ROBO2: variants seen among roughly 807,000 people sequenced by gnomAD.
ROBO2 encodes roundabout guidance receptor 2.
A neutral mutation model predicts 160.8 loss-of-function variants in ROBO2; 53 were observed. That is an observed-to-expected ratio of 0.33 (90% CI 0.26 to 0.41). The LOEUF (loss-of-function observed/expected upper bound fraction) is 0.41. ROBO2 is among the 10% of genes least tolerant of loss of function. The probability of loss-of-function intolerance (pLI) is 1.00; values close to 1 mark genes in which losing one functional copy is unlikely to be tolerated. For missense variants in ROBO2, 1,577 were observed against 1,722.4 expected (o/e 0.92, Z 1.49); for synonymous variants, 664 against 611.7 (o/e 1.09, Z -1.26).
intron 2 of ROBO2, among the ~76,000 whole-genome samples, chr3:76,815,132 G>A (rs2065546977): frequency 6.6e-6 from 1 of 152,020 alleles, no homozygotes; most frequent in Non-Finnish European, 1.5e-5. Flanking sequence ...TCTATTGCCT[G>A]AAAATAAATG....
intron 19 of ROBO2, among the ~76,000 whole-genome samples, chr3:77,600,835 G>A (rs916332891): frequency 9.9e-5 from 15 of 152,216 alleles, no homozygotes; most frequent in East Asian, 7.7e-4. Flanking sequence ...AAAGAAAGAA[G>A]GGCAAGAAAG....
intron 2 of ROBO2, among the ~76,000 whole-genome samples, chr3:76,599,071 TA>T (rs1383506533): frequency 1.3e-5 from 2 of 152,120 alleles, no homozygotes; most frequent in African/African-American, 4.8e-5. Flanking sequence ...AACAAAAATT[TA>T]AAAAAAATTT....
At chr3:76,637,589 A>G (rs966337192) in intron 2 of ROBO2, among the ~76,000 whole-genome samples, 2 of 152,086 alleles carry the variant, frequency 1.3e-5, no homozygotes, top group African/African-American at 4.8e-5. Context: ...TTTTTCCCAC[A>G]TGCAAGATTT....
intron 2 of ROBO2, among the ~76,000 whole-genome samples, chr3:76,773,321 A>G (rs1330512748): frequency 2.7e-5 from 4 of 150,896 alleles, no homozygotes; most frequent in Non-Finnish European, 5.9e-5. Context: ...TTGTGACTTC[A>G]TGAAGGATTT....
intron 5 of ROBO2, among the ~76,000 whole-genome samples, chr3:77,522,158 T>C (rs2090662694): frequency 6.6e-6 from 1 of 151,268 alleles, no homozygotes; most frequent in Non-Finnish European, 1.5e-5. Flanking sequence ...GTTTCATTAA[T>C]GAAATGGAGG....
intron 2 of ROBO2, among the ~76,000 whole-genome samples, chr3:77,330,425 G>A (rs528994263): frequency 9.2e-5 from 14 of 152,306 alleles, no homozygotes; most frequent in African/African-American, 2.4e-4. Flanking sequence ...GGCTGACGCA[G>A]GAGGATTGCT....
intron 2 of ROBO2, among the ~76,000 whole-genome samples, chr3:76,779,041 T>C (rs2062458994): frequency 6.6e-6 from 1 of 151,192 alleles, no homozygotes; most frequent in Non-Finnish European, 1.5e-5. Context: ...CAGAACTGTC[T>C]GACTTCATAA....
At chr3:75,983,525 T>C (rs2065334410) in intron 2 of ROBO2, among the ~76,000 whole-genome samples, 1 of 151,466 alleles carries the variant, frequency 6.6e-6, no homozygotes, top group Admixed American at 6.6e-5. Context: ...CCTGTTGAAA[T>C]TAGAATTGAT....
intron 2 of ROBO2, among the ~76,000 whole-genome samples, chr3:77,406,156 C>G (rs1019648923): frequency 6.6e-6 from 1 of 152,096 alleles, no homozygotes; most frequent in Admixed American, 6.6e-5. Flanking sequence ...AGAGAGGAAG[C>G]GAAGGGGAAG....
At chr3:76,818,873 T>C (rs375036566) in intron 2 of ROBO2, among the ~76,000 whole-genome samples, 2 of 152,234 alleles carry the variant, frequency 1.3e-5, no homozygotes, top group South Asian at 2.1e-4. Flanking sequence ...TACAGTATTG[T>C]TTGAAGTCAG....
chr3:75,985,662 C>T (rs1440597395), intron 2 of ROBO2, among the ~76,000 whole-genome samples: 1 of 151,526 alleles, frequency 6.6e-6, no homozygotes, highest in Non-Finnish European at 1.5e-5. Flanking sequence ...TAATCATCAC[C>T]ATCCATCTCC....
At chr3:76,024,229 G>A (rs569696035) in intron 2 of ROBO2, among the ~76,000 whole-genome samples, 217 of 151,528 alleles carry the variant, frequency 1.4e-3, no homozygotes, top group African/African-American at 5.1e-3. Flanking sequence ...ATGAGAAAAT[G>A]ACCCCTTAAA....
At chr3:77,209,351 T>C (rs2083817757) in intron 2 of ROBO2, among the ~76,000 whole-genome samples, 1 of 152,128 alleles carries the variant, frequency 6.6e-6, no homozygotes, top group Admixed American at 6.6e-5. Flanking sequence ...TAGTGTCACA[T>C]AAAAACATCT....
At chr3:76,059,824 G>A (rs2068005171) in intron 2 of ROBO2, among the ~76,000 whole-genome samples, 2 of 152,108 alleles carry the variant, frequency 1.3e-5, no homozygotes, top group African/African-American at 4.8e-5. Flanking sequence ...ATTAATTTTT[G>A]TATAAGGTGT....
intron 2 of ROBO2, among the ~76,000 whole-genome samples, chr3:76,502,820 G>GA (rs2080541330): frequency 6.6e-6 from 1 of 151,800 alleles, no homozygotes; most frequent in Non-Finnish European, 1.5e-5. Context: ...TTAAACAAGA[G>GA]AAAAAAACAA....
At chr3:76,680,716 T>TA (rs1270015775) in intron 2 of ROBO2, among the ~76,000 whole-genome samples, 22 of 152,108 alleles carry the variant, frequency 1.4e-4, no homozygotes, top group African/African-American at 5.3e-4. Context: ...ATCACAAATT[T>TA]AAAAAAATTA....
chr3:76,089,651 G>T (rs28827915), intron 2 of ROBO2, among the ~76,000 whole-genome samples: 3 of 151,998 alleles, frequency 2.0e-5, no homozygotes, highest in Admixed American at 6.6e-5. Flanking sequence ...TAAATTCTTA[G>T]TAAACTAGGA....
chr3:77,557,825 G>A, intron 8 of ROBO2, 119 bp from the exon 10 acceptor site: 1 of 781,182 alleles, frequency 1.3e-6, no homozygotes, highest in Non-Finnish European at 2.2e-6. Context: ...ATATTGCTTA[G>A]AATAAGTTAT....
intron 2 of ROBO2, among the ~76,000 whole-genome samples, chr3:77,102,791 C>T (rs1202684133): frequency 6.9e-6 from 1 of 144,200 alleles, no homozygotes; most frequent in East Asian, 2.0e-4. Context: ...GAAAAAAATT[C>T]AGGACCAATC....
Sources: gnomAD v4.1 joint callset for allele counts (sites outside exome capture counted in the v4.1 genomes callset) on GRCh38, gnomAD v4.1.1 for gene constraint, MANE v1.5 for transcripts, NCBI Gene and HGNC (gene_info 2026-07-23, HGNC 2026-07-21) for gene names.